Variants in MYZAP observed in about 807,000 individuals in gnomAD.
MYZAP encodes the protein GRINL1A complex locus upstream.
MYZAP carries 66 observed loss-of-function variants against 69.4 expected under a neutral mutation model. The observed-to-expected ratio is 0.95, with a 90% confidence interval of 0.78 to 1.17. MYZAP has a LOEUF of 1.17. Ranked by LOEUF, MYZAP falls within the 50% of genes most tolerant of loss-of-function variation. The pLI is 0.00. For missense variants in MYZAP, 611 were observed against 556.2 expected, an observed-to-expected ratio of 1.10 and a Z score of -0.99; for synonymous variants, 256 against 205.9, an observed-to-expected ratio of 1.24 and a Z score of -2.09.
intron 11 of MYZAP, among the ~76,000 whole-genome samples, chr15:57,667,290 C>T (rs1459271006): frequency 6.6e-6 from 1 of 152,218 alleles, no homozygotes; most frequent in Admixed American, 6.5e-5. Flanking sequence ...TGCCCACACC[C>T]CTGGGCCTGA....
chr15:57,610,635 G>C (rs1595863104), intron 2 of MYZAP, among the ~76,000 whole-genome samples: 1 of 152,168 alleles, frequency 6.6e-6, no homozygotes, highest in East Asian at 1.9e-4. Flanking sequence ...TGTTAGTCTA[G>C]AGCCAGTGTT....
intron 3 of MYZAP, among the ~76,000 whole-genome samples, chr15:57,621,403 G>T (rs1462740338): frequency 6.6e-6 from 1 of 151,704 alleles, no homozygotes; most frequent in African/African-American, 2.4e-5. Context: ...TAGTAGAGAC[G>T]GGGTTTCACC....
chr15:57,668,894 A>ATATATATATTTTTT (rs1252525814), intron 11 of MYZAP, among the ~76,000 whole-genome samples: 1 of 62,608 alleles, frequency 1.6e-5, no homozygotes, highest in African/African-American at 3.9e-5. Context: ...ATATATATAT[A>ATATATATATTTTTT]TTTTTTTTTT....
intron 8 of MYZAP, among the ~76,000 whole-genome samples, chr15:57,635,586 G>A (rs563073794): frequency 6.6e-6 from 1 of 152,344 alleles, no homozygotes; most frequent in East Asian, 1.9e-4. Context: ...TTAGTGATTG[G>A]AAATGTATTG....
At chr15:57,644,992 A>G (rs982891012) in intron 10 of MYZAP, among the ~76,000 whole-genome samples, 2 of 152,246 alleles carry the variant, frequency 1.3e-5, no homozygotes, top group Non-Finnish European at 2.9e-5. Flanking sequence ...TCCTCTTCCA[A>G]CTGTGCATGT....
At chr15:57,621,321 C>T (rs1219119985) in intron 3 of MYZAP, among the ~76,000 whole-genome samples, 1 of 149,526 alleles carries the variant, frequency 6.7e-6, no homozygotes, top group African/African-American at 2.5e-5. Context: ...CGTAATTCTT[C>T]TGCCTCAGCC....
intron 11 of MYZAP, among the ~76,000 whole-genome samples, chr15:57,670,102 T>C (rs2038796569): frequency 6.6e-6 from 1 of 152,140 alleles, no homozygotes; most frequent in African/African-American, 2.4e-5. Flanking sequence ...GTGTATATCC[T>C]ACAAATACCA....
rs147301839 is a variant in MYZAP, at chr15:57,632,516, A to C, written c.761A>C (p.Gln254Pro). The change falls in exon 7 of 13, where the codon CAG becomes CCG. Residue 254 changes from glutamine to proline, a missense_variant. Gln to Pro is a moderately conservative substitution (Grantham distance 76). Coordinates refer to ENST00000267853, the MANE Select transcript of MYZAP (RefSeq NM_001018100.5). ...TACAGCCAGTATGAGGAGAAGCTGC[A>C]GGAAGAACAGAGGAAGCACAGTGCT... is the stretch of plus-strand genomic sequence containing the variant. ...KLYSQYEEKL[Q>P]EEQRKHSAEK... 3.5e-3 allele frequency: 5,709 copies of C among 1,614,244 alleles called. 15 individuals carry two copies. Among genetic ancestry groups the C allele is most frequent in the Non-Finnish European group, 3.6e-3 (4,300 of 1,180,036 alleles).
chr15:57,680,335 C>T (rs1433330159), intron 12 of MYZAP, among the ~76,000 whole-genome samples: 1 of 152,122 alleles, frequency 6.6e-6, no homozygotes, highest in Non-Finnish European at 1.5e-5. Context: ...CTACTCAGTA[C>T]CATCTCTCTG....
chr15:57,606,376 C>T (rs1595858020), intron 2 of MYZAP, among the ~76,000 whole-genome samples: 1 of 152,212 alleles, frequency 6.6e-6, no homozygotes, highest in African/African-American at 2.4e-5. Context: ...GTGGGACATT[C>T]TGCAAAACAA....
intron 11 of MYZAP, among the ~76,000 whole-genome samples, chr15:57,668,894 A>ATATATTTTTTTT (rs1252525814): frequency 1.1e-4 from 7 of 62,606 alleles, no homozygotes; most frequent in African/African-American, 2.8e-4. Context: ...ATATATATAT[A>ATATATTTTTTTT]TTTTTTTTTT....
rs1476189792 is a variant in MYZAP, at chr15:57,684,567, G to A, written c.*69G>A. 1 of 1,006,636 alleles carries A rather than the reference G, an allele frequency of 9.9e-7. No homozygotes were observed. Among genetic ancestry groups the A allele is most frequent in the Non-Finnish European group, 1.5e-6 (1 of 654,238 alleles). The allele number at this position is 1,006,636 out of a possible 1,614,324, so 62.4% of individuals were successfully genotyped here. A position where few individuals can be genotyped will look rare whatever the true frequency, so the allele number is the denominator to read the frequency against. On this transcript the variant is annotated 3_prime_UTR_variant, in exon 13 of 13. Transcript: ENST00000267853. ...GAACCCTGTGGCTTCAAATCCTTTG[G>A]GAAGGGTGACTGTTGTTTCCCCTAC...
chr15:57,594,115 A>G (rs890837565), intron 1 of MYZAP, among the ~76,000 whole-genome samples: 1 of 152,162 alleles, frequency 6.6e-6, no homozygotes, highest in Non-Finnish European at 1.5e-5. Context: ...AAGGCCTCTC[A>G]CTAAAGGTAT....
intron 1 of MYZAP, among the ~76,000 whole-genome samples, chr15:57,602,516 A>T (rs779591217): frequency 2.6e-5 from 4 of 152,220 alleles, no homozygotes; most frequent in Non-Finnish European, 5.9e-5. Flanking sequence ...TACCTCTGTA[A>T]AGACCCTTTC....
chr15:57,605,612 A>G (rs1045016389), intron 2 of MYZAP, among the ~76,000 whole-genome samples: 32 of 152,186 alleles, frequency 2.1e-4, no homozygotes, highest in Non-Finnish European at 8.8e-5. Context: ...GATGCAAATG[A>G]TGAATGCCAG....
At chr15:57,665,329 G>A (rs1038827240) in intron 11 of MYZAP, among the ~76,000 whole-genome samples, 3 of 152,196 alleles carry the variant, frequency 2.0e-5, no homozygotes, top group Non-Finnish European at 2.9e-5. Context: ...AGTTGGCCCC[G>A]ATATTTGCAG....
chr15:57,648,954 A>AT (rs1567227292), intron 10 of MYZAP, among the ~76,000 whole-genome samples: 135 of 150,756 alleles, frequency 9.0e-4, no homozygotes, highest in South Asian at 2.9e-3. Flanking sequence ...TATATATATA[A>AT]AATTAGTATG....
At chr15:57,614,731 A>G (rs535465856) in intron 2 of MYZAP, among the ~76,000 whole-genome samples, 117 of 152,230 alleles carry the variant, frequency 7.7e-4, no homozygotes, top group African/African-American at 2.7e-3. Context: ...GGGATGCTAC[A>G]TGGAGACGTG....
At position 57,684,493 on chromosome 15, in the gene MYZAP, A is replaced by G; in HGVS notation, c.1396A>G (p.Thr466Ala). Reference sequence around the variant, plus strand: ...GGAGTTAACCATGAAGAAAACTCTGACTTAGGCACTCAGAGGCATACACTT... The same window carrying G: ...GGAGTTAACCATGAAGAAAACTCTGGCTTAGGCACTCAGAGGCATACACTT... ...VLELTMKKTL[T>A] The change falls in exon 13 of 13, where the codon ACT (threonine) becomes GCT (alanine). Residue 466 changes from threonine to alanine, a missense_variant. Coordinates refer to ENST00000267853, the MANE Select transcript of MYZAP (RefSeq NM_001018100.5). The G allele has an allele frequency of 6.2e-7, 1 of 1,603,568 alleles. No homozygotes were observed. Among genetic ancestry groups the G allele is most frequent in the Non-Finnish European group, 8.5e-7 (1 of 1,171,742 alleles).
Sources: allele counts gnomAD v4.1 joint callset (sites outside exome capture counted in the v4.1 genomes callset), GRCh38; gene constraint gnomAD v4.1.1; transcripts MANE v1.5; gene names NCBI Gene and HGNC (gene_info 2026-07-23, HGNC 2026-07-21).